PSME4: variants seen among roughly 807,000 people sequenced by gnomAD.
PSME4 encodes the protein proteasome activator complex subunit 4.
PSME4 carries 89 observed loss-of-function variants against 253.9 expected under a neutral mutation model. That is an observed-to-expected ratio of 0.35 (90% CI 0.30 to 0.42). PSME4 has a LOEUF of 0.42. Ranked by LOEUF, PSME4 falls within the 10% of genes least tolerant of loss-of-function variation. The probability of loss-of-function intolerance (pLI) is 1.00; values close to 1 mark genes in which losing one functional copy is unlikely to be tolerated. For missense variants in PSME4, 2,014 were observed against 2,195.2 expected (o/e 0.92, Z 1.65); for synonymous variants, 851 against 759.2 (o/e 1.12, Z -1.99).
chr2:53,970,177 G>C (rs1670987677), intron 1 of PSME4, among the ~76,000 whole-genome samples: 1 of 152,120 alleles, frequency 6.6e-6, no homozygotes, highest in Admixed American at 6.5e-5. Flanking sequence ...TCTTTGCCCC[G>C]CCTCTCCCAT....
chr2:53,886,040 T>C (rs1679620458), intron 40 of PSME4, among the ~76,000 whole-genome samples: 1 of 152,206 alleles, frequency 6.6e-6, no homozygotes, highest in African/African-American at 2.4e-5. Context: ...AAAATATTTC[T>C]AAATTGTGTA....
intron 1 of PSME4, among the ~76,000 whole-genome samples, chr2:53,957,445 A>C (rs1670287442): frequency 6.6e-6 from 1 of 152,206 alleles, no homozygotes; most frequent in Non-Finnish European, 1.5e-5. Context: ...ATCATCAGGC[A>C]CAAGATTCTC....
chr2:53,911,669 T>C (rs1667833500), intron 20 of PSME4, among the ~76,000 whole-genome samples: 1 of 150,678 alleles, frequency 6.6e-6, no homozygotes, highest in Non-Finnish European at 1.5e-5. Context: ...ACTGCTGCCA[T>C]AAACACTTAG....
At chr2:53,963,056 T>G (rs1009844950) in intron 1 of PSME4, among the ~76,000 whole-genome samples, 12 of 150,174 alleles carry the variant, frequency 8.0e-5, no homozygotes, top group African/African-American at 2.9e-4. Flanking sequence ...GGCTCACGCA[T>G]GTAATCCCAA....
intron 37 of PSME4, among the ~76,000 whole-genome samples, chr2:53,889,305 T>C (rs1289582061): frequency 1.3e-5 from 2 of 152,208 alleles, no homozygotes; most frequent in Non-Finnish European, 2.9e-5. Flanking sequence ...GTGTAGTATT[T>C]ACATATAACC....
chr2:53,936,850 TGAA>T, intron 5 of PSME4, 23 bp from the exon 6 acceptor site: 2 of 1,533,606 alleles, frequency 1.3e-6, no homozygotes, highest in Non-Finnish European at 1.8e-6. Flanking sequence ...AATGTTGTTA[TGAA>T]TAGCAAGTGA....
chr2:53,952,981 G>T (rs572509104), intron 1 of PSME4, among the ~76,000 whole-genome samples: 1 of 152,292 alleles, frequency 6.6e-6, no homozygotes, highest in South Asian at 2.1e-4. Flanking sequence ...TTTAACATTA[G>T]TTAGGGACAT....
At chr2:53,897,841 C>T in intron 31 of PSME4, 29 bp downstream of exon 31, 1 of 1,607,222 alleles carries the variant, frequency 6.2e-7, no homozygotes, top group Non-Finnish European at 8.5e-7. Context: ...TTCTCAAACC[C>T]AAGACTGTAG....
chr2:53,887,341 T>C lies in PSME4; in HGVS notation c.4647A>G (p.Glu1549=), dbSNP rs755095854. ...CTTCCATAACATGGTTCTGAATTTC[T>C]TCATCCACATCCATGAGAGGTTTCA... ...EKLKPLMDVD[E]EIQNHVMEEN... The change falls in exon 40 of 47, where the codon GAA becomes GAG. Residue 1549 remains glutamate, a synonymous_variant. Coordinates refer to ENST00000404125, the MANE Select transcript of PSME4 (RefSeq NM_014614.3). The C allele has an allele frequency of 6.2e-7, 1 of 1,614,028 alleles. No homozygotes were observed.
intron 44 of PSME4, among the ~76,000 whole-genome samples, chr2:53,867,789 G>A (rs1678643239): frequency 6.6e-6 from 1 of 151,218 alleles, no homozygotes; most frequent in South Asian, 2.1e-4. Flanking sequence ...ATCAAAATTA[G>A]CGTGGTTTTT....
chr2:53,954,875 A>T (rs747656595), intron 1 of PSME4, among the ~76,000 whole-genome samples: 11 of 151,896 alleles, frequency 7.2e-5, no homozygotes, highest in Non-Finnish European at 1.5e-4. Context: ...AATTCAGAAT[A>T]TCAAAGTCAA....
At chr2:53,962,748 C>G (rs62139332) in intron 1 of PSME4, among the ~76,000 whole-genome samples, 6 of 152,164 alleles carry the variant, frequency 3.9e-5, no homozygotes, top group Admixed American at 2.6e-4. Context: ...CACGGTGGCT[C>G]ACGCCTGTAA....
intron 32 of PSME4, 39 bp from the exon 33 acceptor site, chr2:53,895,775 A>G: frequency 6.6e-7 from 1 of 1,518,954 alleles, no homozygotes; most frequent in Non-Finnish European, 8.9e-7. Flanking sequence ...ATTTAAAAAT[A>G]TTCGCCCAAC....
At chr2:53,932,600 G>A in intron 9 of PSME4, 68 bp downstream of exon 9, 2 of 1,266,190 alleles carry the variant, frequency 1.6e-6, no homozygotes, top group Non-Finnish European at 2.3e-6. Context: ...TCACACAATA[G>A]GCAATAGTCA....
chr2:53,885,580 G>T (rs1039643614), intron 41 of PSME4, 110 bp downstream of exon 41: 3 of 682,440 alleles, frequency 4.4e-6, no homozygotes, highest in African/African-American at 1.8e-5. Context: ...ACTTTTCAGA[G>T]ATCCAATCAA....
intron 3 of PSME4, among the ~76,000 whole-genome samples, chr2:53,947,469 G>C (rs1219398905): frequency 6.6e-6 from 1 of 152,222 alleles, no homozygotes; most frequent in Non-Finnish European, 1.5e-5. Context: ...ACTTTGGGAG[G>C]CTGAGGCAGG....
chr2:53,908,845 T>G lies in PSME4; in HGVS notation c.2573-5A>C. ...GGTGGTTCTCTCGAGACAGATCTAT[T>G]TTGAAAAAATAAAAGAAGGTATTTT... On this transcript the variant is annotated splice_region_variant and splice_polypyrimidine_tract_variant and intron_variant, in intron 21 of 46. Transcript: ENST00000404125. 3.1e-6 allele frequency: 5 copies of G among 1,594,924 alleles called. No individual in the cohort carries two copies. Among genetic ancestry groups the G allele is most frequent in the Non-Finnish European group, 4.3e-6 (5 of 1,167,020 alleles).
chr2:53,906,256 A>T (rs1680655104), intron 26 of PSME4, among the ~76,000 whole-genome samples: 1 of 152,216 alleles, frequency 6.6e-6, no homozygotes, highest in Admixed American at 6.5e-5. Context: ...TTGAAGTGCC[A>T]GCAATATCAC....
At chr2:53,892,567 A>G (rs1047134710) in intron 36 of PSME4, among the ~76,000 whole-genome samples, 1 of 152,000 alleles carries the variant, frequency 6.6e-6, no homozygotes, top group African/African-American at 2.4e-5. Context: ...TTCTTTTTTA[A>G]TTTTTTTTAA....
Sources: allele counts gnomAD v4.1 joint callset (sites outside exome capture counted in the v4.1 genomes callset), GRCh38; gene constraint gnomAD v4.1.1; transcripts MANE v1.5; gene names NCBI Gene and HGNC (gene_info 2026-07-23, HGNC 2026-07-21).